The following MYO3A variants were observed in gnomAD, a reference collection of about 807,000 sequenced individuals.
The protein encoded by MYO3A is myosin IIIA.
A neutral mutation model predicts 192.7 loss-of-function variants in MYO3A; 180 were observed. The observed-to-expected ratio is 0.93, with a 90% CI of 0.83 to 1.06. The LOEUF (loss-of-function observed/expected upper bound fraction) is 1.06. Ranked by LOEUF, MYO3A falls within the 50% of genes least tolerant of loss-of-function variation. The pLI, the probability that MYO3A is intolerant of heterozygous loss-of-function variation, is 0.00. For missense variants in MYO3A, 1,896 were observed against 1,905.0 expected, an observed-to-expected ratio of 1.00 and a Z score of 0.09; for synonymous variants, 628 against 645.3, an observed-to-expected ratio of 0.97 and a Z score of 0.41.
chr10:26,174,390 C>A lies in MYO3A; in HGVS notation c.4126C>A (p.His1376Asn). 1 of 1,614,162 alleles carries A rather than the reference C, an allele frequency of 6.2e-7. No individual in the cohort carries two copies. The highest frequency in any genetic ancestry group is 2.2e-5 in the East Asian group (1 of 44,880). Residue 1376 changes from histidine to asparagine, a missense_variant, in exon 30 of 35, where the codon CAT (histidine) becomes AAT (asparagine). His to Asn is a moderately conservative substitution (Grantham distance 68, BLOSUM62 1). Coordinates refer to ENST00000642920, the MANE Select transcript of MYO3A (RefSeq NM_017433.5). ...GAAGGACAAGATGTCTTCTTTTAAG[C>A]ATCAGAGGATTGTCACAACACCAAC... Reference protein sequence around the residue: ...LRKDKMSSFKHQRIVTTPTEV... With the variant: ...LRKDKMSSFKNQRIVTTPTEV...
intron 4 of MYO3A, among the ~76,000 whole-genome samples, chr10:25,955,929 C>T (rs1837505796): frequency 6.6e-6 from 1 of 152,048 alleles, no homozygotes; most frequent in Non-Finnish European, 1.5e-5. Context: ...CTAGGTAATT[C>T]ATACAGAATA....
At chr10:25,987,513 A>C (rs1839727237) in intron 4 of MYO3A, among the ~76,000 whole-genome samples, 1 of 152,186 alleles carries the variant, frequency 6.6e-6, no homozygotes. Context: ...ACAAATCAGC[A>C]AGAAAAAAAA....
At chr10:26,043,046 GCTT>G (rs1167075274) in intron 10 of MYO3A, among the ~76,000 whole-genome samples, 1 of 152,130 alleles carries the variant, frequency 6.6e-6, no homozygotes, top group Non-Finnish European at 1.5e-5. Flanking sequence ...GTGATTCTGT[GCTT>G]CTTGCAGACT....
chr10:26,154,689 G>A (rs1213421227), intron 24 of MYO3A, 57 bp from the exon 25 acceptor site: 2 of 1,501,508 alleles, frequency 1.3e-6, no homozygotes, highest in Non-Finnish European at 1.9e-6. Flanking sequence ...CATGCTGTCT[G>A]TAGATAATAA....
chr10:25,949,154 T>C (rs1434631429), intron 2 of MYO3A, among the ~76,000 whole-genome samples: 1 of 152,126 alleles, frequency 6.6e-6, no homozygotes, highest in East Asian at 1.9e-4. Flanking sequence ...TAATATGTTA[T>C]AGTTACATGT....
intron 4 of MYO3A, among the ~76,000 whole-genome samples, chr10:25,971,957 C>G (rs1001124196): frequency 2.6e-5 from 4 of 152,174 alleles, no homozygotes; most frequent in Non-Finnish European, 5.9e-5. Flanking sequence ...ATTCTCCTGC[C>G]TCAGCCTCCC....
chr10:26,096,252 G>C, intron 15 of MYO3A, 129 bp from the exon 16 acceptor site: 1 of 689,272 alleles, frequency 1.5e-6, no homozygotes, highest in East Asian at 2.7e-5. Flanking sequence ...ACCACAGAAA[G>C]CCAAAATGCA....
rs547312260 is a variant in MYO3A, at chr10:26,184,780, C to T, written c.4438+7935C>T. Among the ~76,000 whole-genome samples, 3 of 152,286 alleles carry T rather than the reference C, an allele frequency of 2.0e-5. No individual in the cohort carries two copies. In the East Asian group the frequency reaches 5.8e-4, roughly 29 times the overall value. On this transcript the variant is annotated intron_variant, in intron 31 of 34. Coordinates refer to ENST00000642920, the MANE Select transcript of MYO3A (RefSeq NM_017433.5). ...ACAAGCTAATATTTACCACGCACAA[C>T]CCACAAAATAGCCACAAACCTTATT...
At chr10:26,037,186 G>A (rs1367306627) in intron 10 of MYO3A, among the ~76,000 whole-genome samples, 2 of 152,216 alleles carry the variant, frequency 1.3e-5, no homozygotes, top group African/African-American at 4.8e-5. Flanking sequence ...AATGTTAGCA[G>A]TCACCAGCAT....
intron 17 of MYO3A, among the ~76,000 whole-genome samples, chr10:26,116,450 CCTTAT>C (rs1838510460): frequency 6.6e-6 from 1 of 152,126 alleles, no homozygotes; most frequent in Non-Finnish European, 1.5e-5. Flanking sequence ...TCCAGTATGA[CCTTAT>C]CTTAACTATT....
chr10:26,103,489 C>G (rs1217779556), intron 17 of MYO3A, among the ~76,000 whole-genome samples: 1 of 152,174 alleles, frequency 6.6e-6, no homozygotes, highest in Admixed American at 6.5e-5. Flanking sequence ...TAGACTGGAG[C>G]TGTTCCTATT....
intron 14 of MYO3A, among the ~76,000 whole-genome samples, chr10:26,079,540 C>A (rs778877844): frequency 6.6e-6 from 1 of 152,082 alleles, no homozygotes; most frequent in Non-Finnish European, 1.5e-5. Flanking sequence ...ATTCATCATG[C>A]TGTTTGTTGC....
intron 4 of MYO3A, among the ~76,000 whole-genome samples, chr10:25,959,802 G>GGT (rs10543438): frequency 0.06 from 8,977 of 149,480 alleles, 340 homozygotes; most frequent in Admixed American, 0.094. Flanking sequence ...TCTTAACCTG[G>GGT]GTGTGTGTGT....
chr10:26,075,391 C>G (rs1305681945), intron 14 of MYO3A, among the ~76,000 whole-genome samples: 2 of 151,514 alleles, frequency 1.3e-5, no homozygotes, highest in Admixed American at 6.6e-5. Context: ...GCAGTATACA[C>G]TGCACCATAT....
intron 26 of MYO3A, among the ~76,000 whole-genome samples, chr10:26,165,231 C>G (rs990372673): frequency 2.0e-5 from 3 of 152,154 alleles, no homozygotes; most frequent in African/African-American, 4.8e-5. Flanking sequence ...CTGCATGTCA[C>G]CGTGCCACCT....
At chr10:26,033,493 T>G (rs1411193925) in intron 10 of MYO3A, among the ~76,000 whole-genome samples, 1 of 152,184 alleles carries the variant, frequency 6.6e-6, no homozygotes, top group Non-Finnish European at 1.5e-5. Flanking sequence ...AAACCAGGAC[T>G]AAATGTCTTA....
In MYO3A at chr10:25,985,755, T is replaced by C. The variant is rs558848443; in HGVS notation, c.304-10735T>C. Among the ~76,000 whole-genome samples, 24 of 152,316 alleles carry C rather than the reference T, an allele frequency of 1.6e-4. No homozygotes were observed. The East Asian group carries it at 4.6e-3, about 29-fold the overall frequency. The stretch of plus-strand genomic sequence containing the variant: ...ATCAGACAGATTCACAGCTGAATTC[T>C]ATCAGACATTCAAAGAAGAATTGGT... On this transcript the variant is annotated intron_variant, in intron 4 of 34. Coordinates refer to ENST00000642920, the MANE Select transcript of MYO3A (RefSeq NM_017433.5).
chr10:26,187,123 T>A (rs757236025), intron 31 of MYO3A, among the ~76,000 whole-genome samples: 2 of 152,122 alleles, frequency 1.3e-5, no homozygotes, highest in Non-Finnish European at 2.9e-5. Flanking sequence ...TGAAATGAAA[T>A]CACAGTCTTT....
chr10:26,124,043 G>A (rs1275163306), intron 18 of MYO3A, among the ~76,000 whole-genome samples: 1 of 151,768 alleles, frequency 6.6e-6, no homozygotes, highest in Non-Finnish European at 1.5e-5. Context: ...ATAATAATTA[G>A]CCAGGCAGGT....
Sources: gnomAD v4.1 joint callset for allele counts (sites outside exome capture counted in the v4.1 genomes callset) on GRCh38, gnomAD v4.1.1 for gene constraint, MANE v1.5 for transcripts, NCBI Gene and HGNC (gene_info 2026-07-23, HGNC 2026-07-21) for gene names.